Variants in TRIM50 observed in about 807,000 individuals in gnomAD.
TRIM50 encodes the protein tripartite motif containing 50.
Under a neutral mutation model 44.9 loss-of-function variants are expected in TRIM50, and 34 were observed. The ratio of observed to expected loss-of-function variants is 0.76; its 90% CI spans 0.58 to 1.01. TRIM50 has a LOEUF of 1.01. Among genes scored for constraint, TRIM50 ranks in the 50% least tolerant of loss-of-function variants. TRIM50 has a pLI of 0.00. For missense variants in TRIM50, 633 were observed against 663.7 expected (o/e 0.95, Z 0.51); for synonymous variants, 307 against 291.1 (o/e 1.05, Z -0.56).
chr7:73,312,990 C>A lies in TRIM50; in HGVS notation c.1395G>T (p.Ser465=), dbSNP rs782560480. 1.3e-6 allele frequency: 2 copies of A among 1,552,266 alleles called. No homozygotes were observed. The highest frequency in any genetic ancestry group is 4.9e-5 in the East Asian group (2 of 41,070). Residue 465 remains serine (S), a synonymous_variant, in exon 7 of 7, where the codon TCG becomes TCT. Coordinates refer to ENST00000333149, the MANE Select transcript of TRIM50 (RefSeq NM_178125.3). ...DTCWHERGSN[S]LPMVLPPPSG... ...TGGGCGGGGGCAGCACCATGGGCAG[C>A]GAGTTGCTGCCCCTCTCGTGCCAGC...
At position 73,327,929 on chromosome 7, in the gene TRIM50, C is replaced by T. The variant is rs1327103666; in HGVS notation, c.-48G>A. ...CCTCCGGCCCCTGTAAGTGCCCCAT[C>T]GTGCTCTCTGTCGCTCCAGTTAGAT... On this transcript the variant is annotated 5_prime_UTR_variant, in exon 1 of 7. Transcript: ENST00000333149. 8 of 495,976 alleles carry T rather than the reference C, an allele frequency of 1.6e-5. No homozygotes were observed. Among genetic ancestry groups the T allele is most frequent in the Non-Finnish European group, 2.6e-5 (7 of 271,692 alleles). 30.7% of individuals were successfully genotyped at this position (495,976 alleles called of 1,614,324 possible). A position where few individuals can be genotyped will look rare whatever the true frequency, so the allele number is the denominator to read the frequency against.
At chr7:73,319,691 C>T (rs529260207) in intron 3 of TRIM50, among the ~76,000 whole-genome samples, 11 of 152,208 alleles carry the variant, frequency 7.2e-5, no homozygotes, top group Non-Finnish European at 1.6e-4. Context: ...TGTTTCACAG[C>T]CACCTCCAGG....
At position 73,318,792 on chromosome 7, in the gene TRIM50, T is replaced by A. The variant is rs536689850; in HGVS notation, c.726+30A>T. On this transcript the variant is annotated intron_variant, in intron 4 of 6. Coordinates refer to ENST00000333149, the MANE Select transcript of TRIM50 (RefSeq NM_178125.3). ...GGGAAGGGGAAGGCCCTGGCGGGTA[T>A]GGGGATGGGACGCCTCCCTGTCCAC... 52 of 1,613,760 alleles carry A rather than the reference T, an allele frequency of 3.2e-5. 2 individuals carry two copies. In the South Asian group the frequency reaches 5.6e-4, roughly 17 times the overall value.
intron 5 of TRIM50, among the ~76,000 whole-genome samples, chr7:73,318,425 C>A (rs1419171895): frequency 6.6e-6 from 1 of 152,206 alleles, no homozygotes; most frequent in Non-Finnish European, 1.5e-5. Context: ...GCATGAGCTA[C>A]CCTCCTCTAG....
rs1554543314 is a variant in TRIM50 at position 73,313,143 on chromosome 7, G to A, written c.1242C>T (p.Ile414=). ...CCTGCTCATAGTGCAGGTAGAGCCCGATGCGGTGGGGGTGGCCGGCCACGG... is the reference window on the plus strand; with the variant it reads ...CCTGCTCATAGTGCAGGTAGAGCCCAATGCGGTGGGGGTGGCCGGCCACGG... ...PLPVAGHPHR[I]GLYLHYEQGE... The change falls in exon 7 of 7, where the codon ATC becomes ATT. Residue 414 remains isoleucine, a synonymous_variant. Coordinates refer to ENST00000333149, the MANE Select transcript of TRIM50 (RefSeq NM_178125.3). The surrounding 1 kb of genome is among the most constrained non-coding windows in gnomAD (Gnocchi z 4.9). 1.9e-6 allele frequency: 3 copies of A among 1,589,992 alleles called. No homozygotes were observed. Among genetic ancestry groups the A allele is most frequent in the Non-Finnish European group, 2.6e-6 (3 of 1,168,672 alleles).
intron 2 of TRIM50, among the ~76,000 whole-genome samples, chr7:73,321,399 T>G (rs1804492219): frequency 6.6e-6 from 1 of 152,040 alleles, no homozygotes; most frequent in Admixed American, 6.6e-5. Context: ...TCAGGAGCCA[T>G]CACAAAAAGG....
At chr7:73,318,653 C>A (rs771184834) in intron 5 of TRIM50, 34 bp downstream of exon 5, 4 of 1,612,692 alleles carry the variant, frequency 2.5e-6, no homozygotes, top group Non-Finnish European at 3.4e-6. Flanking sequence ...CCGCAGCCAC[C>A]AGACCCTGGC....
chr7:73,324,326 C>T, intron 2 of TRIM50, 63 bp downstream of exon 2: 1 of 1,611,194 alleles, frequency 6.2e-7, no homozygotes, highest in South Asian at 1.1e-5. Context: ...GTGATGGCAC[C>T]AGAGAGCACA....
intron 5 of TRIM50, among the ~76,000 whole-genome samples, chr7:73,318,330 T>G (rs1378668921): frequency 2.0e-5 from 3 of 151,924 alleles, no homozygotes; most frequent in African/African-American, 7.3e-5. Flanking sequence ...AGAGATGGGG[T>G]CTTACTACAT....
At chr7:73,319,173 G>C in intron 3 of TRIM50, 121 bp from the exon 4 acceptor site, 2 of 1,517,790 alleles carry the variant, frequency 1.3e-6, no homozygotes, top group South Asian at 2.4e-5. Flanking sequence ...AGTCTCAGGG[G>C]AGGCTGCATG....
At chr7:73,314,092 T>C in intron 6 of TRIM50, 5 of 263,846 alleles carry the variant, frequency 1.9e-5, no homozygotes, top group East Asian at 1.3e-4. Flanking sequence ...CTCCCACCCC[T>C]TCCCGCCACC....
chr7:73,323,004 C>A (rs1804531278), intron 2 of TRIM50, among the ~76,000 whole-genome samples: 1 of 152,208 alleles, frequency 6.6e-6, no homozygotes, highest in Non-Finnish European at 1.5e-5. Context: ...ACCTTCCCGT[C>A]CCTCACCCTC....
In TRIM50 at chr7:73,324,078, G is replaced by A. The variant is rs561434744; in HGVS notation, c.399+311C>T. On this transcript the variant is annotated intron_variant, in intron 2 of 6. Transcript: ENST00000333149. ...AAAAAAGAAAGGAGAGAGGGAGAGG[G>A]AGAGGAAGAGGGAAGAGGGAAGAGG... is the stretch of plus-strand genomic sequence containing the variant. 6.0e-5 allele frequency among the ~76,000 whole-genome samples: 9 copies of A among 151,224 alleles called. No homozygotes were observed. The South Asian group carries it at 1.7e-3, about 28-fold the overall frequency.
rs782164657 is a variant in TRIM50, at chr7:73,324,611, C to A, written c.177G>T (p.Ala59=). ...AELRCPVCRQ[A]VDGSSSLPNV... ...TGGGCAGGGAGCTGCTGCCGTCCAC[C>A]GCCTGCCGGCACACGGGGCAGCGCA... The change falls in exon 2 of 7, where the codon GCG becomes GCT. Residue 59 remains alanine (A), a synonymous_variant. Transcript: ENST00000333149. The A allele has an allele frequency of 1.2e-6, 2 of 1,614,148 alleles. No individual in the cohort carries two copies. Among genetic ancestry groups the A allele is most frequent in the Admixed American group, 1.7e-5 (1 of 60,014 alleles).
rs185761993 is a variant in TRIM50, at chr7:73,318,404, T to G, written c.749+283A>C. Among the ~76,000 whole-genome samples, 651 of 152,376 alleles carry G rather than the reference T, an allele frequency of 4.3e-3. 5 individuals are homozygous for G. The highest frequency in any genetic ancestry group is 6.2e-3 in the Non-Finnish European group (424 of 68,036). ...CTCCTGCCTTGGCTTCCCAAAGTAC[T>G]GGGATTGCAGGCATGAGCTACCCTC... On this transcript the variant is annotated intron_variant, in intron 5 of 6. Transcript: ENST00000333149.
intron 6 of TRIM50, chr7:73,314,785 G>C (rs1203900232): frequency 5.4e-6 from 1 of 184,538 alleles, no homozygotes; most frequent in Non-Finnish European, 1.1e-5. Context: ...AGGAGCCAGA[G>C]GTTGCAGTGA....
intron 6 of TRIM50, chr7:73,315,073 G>A: frequency 3.0e-6 from 1 of 336,294 alleles, no homozygotes; most frequent in Non-Finnish European, 5.7e-6. Flanking sequence ...TAAGCTGGTG[G>A]AAGCTACCAG....
intron 3 of TRIM50, among the ~76,000 whole-genome samples, chr7:73,319,283 T>C (rs1461388069): frequency 6.6e-6 from 1 of 151,714 alleles, no homozygotes. Flanking sequence ...AGAGGCTCTG[T>C]TTTGGCCTGT....
rs376728009 is a variant in TRIM50, at chr7:73,320,146, C to A, written c.495+1G>T. The A allele has an allele frequency of 6.2e-7, 1 of 1,612,154 alleles. No individual in the cohort carries two copies. Among genetic ancestry groups the A allele is most frequent in the African/African-American group, 1.3e-5 (1 of 74,914 alleles). On this transcript the variant is annotated splice_donor_variant, in intron 3 of 6. Transcript: ENST00000333149. LOFTEE classifies it high-confidence loss of function. ...CAGGGGCAGAGGGAAGGGGCACTCA[C>A]GACGATTCGGGTCCGGTTGTTCACC...
Sources: allele counts gnomAD v4.1 joint callset (sites outside exome capture counted in the v4.1 genomes callset), GRCh38; gene constraint gnomAD v4.1.1; non-coding constraint Gnocchi (gnomAD v3.1); transcripts MANE v1.5; gene names NCBI Gene and HGNC (gene_info 2026-07-23, HGNC 2026-07-21).